The following KLHL3 variants were observed in gnomAD, a reference collection of about 807,000 sequenced individuals.
KLHL3 encodes the protein kelch like family member 3, also known as kelch-like protein 3.
In KLHL3, 19 loss-of-function variants were observed where a neutral mutation model predicts 70.5. The observed-to-expected ratio is 0.27, with a 90% CI of 0.19 to 0.40. The LOEUF (loss-of-function observed/expected upper bound fraction) is 0.40. Ranked by LOEUF, KLHL3 falls within the 10% of genes least tolerant of loss-of-function variation. The pLI is 1.00. For synonymous variants in KLHL3, 258 were observed against 290.3 expected (o/e 0.89, Z 1.13); for missense variants, 512 against 771.1 (o/e 0.66, Z 3.98).
At chr5:137,698,234 A>G in intron 4 of KLHL3, 53 bp downstream of exon 4, 1 of 1,596,756 alleles carries the variant, frequency 6.3e-7, no homozygotes, top group Non-Finnish European at 8.6e-7. Flanking sequence ...ACGCTGTAAA[A>G]TGGTGGGTCC....
At chr5:137,726,437 T>C (rs1223498970) in intron 1 of KLHL3, among the ~76,000 whole-genome samples, 1 of 152,168 alleles carries the variant, frequency 6.6e-6, no homozygotes, top group Non-Finnish European at 1.5e-5. Flanking sequence ...CACCTATATT[T>C]CCCTTCTCTT....
chr5:137,648,460 A>C (rs1399588491), intron 8 of KLHL3, among the ~76,000 whole-genome samples: 2 of 152,214 alleles, frequency 1.3e-5, no homozygotes, highest in Non-Finnish European at 2.9e-5. Flanking sequence ...CAAAAGGTTC[A>C]TTTGCATCTT....
intron 12 of KLHL3, 61 bp from the exon 13 acceptor site, chr5:137,628,498 G>T (rs1041981908): frequency 1.1e-5 from 17 of 1,596,068 alleles, no homozygotes; most frequent in Non-Finnish European, 1.3e-5. Context: ...AAATCAGGAG[G>T]CCTGGCATCC....
chr5:137,725,169 C>G (rs1753066611), intron 1 of KLHL3: 1 of 418,074 alleles, frequency 2.4e-6, no homozygotes, highest in Non-Finnish European at 3.2e-6. Flanking sequence ...CTAGTGGATC[C>G]CCTCTCCTCG....
intron 8 of KLHL3, among the ~76,000 whole-genome samples, chr5:137,644,808 T>A (rs1751003158): frequency 6.6e-6 from 1 of 152,262 alleles, no homozygotes; most frequent in Admixed American, 6.5e-5. Flanking sequence ...CTTCCAGATT[T>A]ATTCTTTGAA....
At position 137,622,050 on chromosome 5, in the gene KLHL3, C is replaced by T. The variant is rs201921226; in HGVS notation, c.*48G>A. The T allele has an allele frequency of 4.1e-5, 66 of 1,607,196 alleles. No homozygotes were observed. In the Admixed American group the frequency reaches 1.1e-3, roughly 26 times the overall value. Reference sequence around the variant, plus strand: ...ACCAAGGTCCTGCTGTTCAGAGTCACAGGCAGCACCTGCTCCTTCCTCCAC... The same window carrying T: ...ACCAAGGTCCTGCTGTTCAGAGTCATAGGCAGCACCTGCTCCTTCCTCCAC... On this transcript the variant is annotated 3_prime_UTR_variant, in exon 15 of 15. Coordinates refer to ENST00000309755, the MANE Select transcript of KLHL3 (RefSeq NM_017415.3).
At chr5:137,727,518 G>A (rs1561621984) in intron 1 of KLHL3, among the ~76,000 whole-genome samples, 1 of 152,104 alleles carries the variant, frequency 6.6e-6, no homozygotes, top group African/African-American at 2.4e-5. Context: ...TCGTTGCCCT[G>A]AAGACTTCTT....
intron 8 of KLHL3, among the ~76,000 whole-genome samples, chr5:137,643,366 A>G (rs1480532332): frequency 6.6e-6 from 1 of 152,134 alleles, no homozygotes; most frequent in Non-Finnish European, 1.5e-5. Context: ...AAAAAAAAAA[A>G]AAAAATAGAA....
chr5:137,686,552 GC>G (rs1387865623), intron 5 of KLHL3, among the ~76,000 whole-genome samples: 1 of 152,230 alleles, frequency 6.6e-6, no homozygotes, highest in Non-Finnish European at 1.5e-5. Context: ...CTAACTCAAG[GC>G]CTGGGTCCAG....
intron 6 of KLHL3, among the ~76,000 whole-genome samples, chr5:137,672,414 G>C (rs1264461584): frequency 6.6e-6 from 1 of 152,094 alleles, no homozygotes; most frequent in Non-Finnish European, 1.5e-5. Context: ...ATCAAAATTT[G>C]GTCTCTAAAA....
At chr5:137,642,081 C>T (rs190440433) in intron 8 of KLHL3, among the ~76,000 whole-genome samples, 143 of 152,342 alleles carry the variant, frequency 9.4e-4, no homozygotes, top group Admixed American at 2.3e-3. Flanking sequence ...TAATGCCTAA[C>T]CTACTCTTCA....
intron 5 of KLHL3, among the ~76,000 whole-genome samples, chr5:137,683,802 G>C (rs901756451): frequency 6.7e-6 from 1 of 150,268 alleles, no homozygotes; most frequent in Non-Finnish European, 1.5e-5. Context: ...ACACATGCAC[G>C]CGCACACACA....
rs553977822 is a variant in KLHL3 at position 137,714,128 on chromosome 5, A to G, written c.135-4272T>C. 4.0e-5 allele frequency among the ~76,000 whole-genome samples: 6 copies of G among 151,798 alleles called. No individual in the cohort carries two copies. The South Asian group carries it at 1.0e-3, about 26-fold the overall frequency. On this transcript the variant is annotated intron_variant, in intron 2 of 14. Coordinates refer to ENST00000309755, the MANE Select transcript of KLHL3 (RefSeq NM_017415.3). ...AACAATCAGAGAAATGCAAATCAAA[A>G]CCACAACAAGATACCACCTTACACT... is the stretch of plus-strand genomic sequence containing the variant.
intron 8 of KLHL3, among the ~76,000 whole-genome samples, chr5:137,653,259 A>G (rs1307382461): frequency 6.6e-6 from 1 of 152,088 alleles, no homozygotes; most frequent in African/African-American, 2.4e-5. Flanking sequence ...CAAAAAAAAA[A>G]TAATAATTAA....
At chr5:137,646,062 A>G (rs1361279793) in intron 8 of KLHL3, among the ~76,000 whole-genome samples, 10 of 152,208 alleles carry the variant, frequency 6.6e-5, no homozygotes, top group Admixed American at 5.2e-4. Context: ...CCCAGAATAT[A>G]TAAGGAACTC....
chr5:137,669,630 A>G lies in KLHL3; in HGVS notation c.637-7599T>C, dbSNP rs552078407. Among the ~76,000 whole-genome samples the G allele has an allele frequency of 2.7e-3, 387 of 144,822 alleles. 1 individual carries two copies. Among genetic ancestry groups the G allele is most frequent in the Middle Eastern group, 7.1e-3 (2 of 282 alleles). ...GCACAATGGTTTGATAGAAACGTCT[A>G]CAAGCTGAGAGACGTCAGTGGTACT... On this transcript the variant is annotated intron_variant, in intron 6 of 14. Transcript: ENST00000309755.
At chr5:137,650,821 TAAAAA>T (rs202115631) in intron 8 of KLHL3, among the ~76,000 whole-genome samples, 2 of 118,346 alleles carry the variant, frequency 1.7e-5, no homozygotes, top group Admixed American at 1.7e-4. Context: ...AAACTCCATC[TAAAAA>T]AAAAAAAAAA....
chr5:137,692,244 C>T, intron 5 of KLHL3, 41 bp downstream of exon 5: 1 of 1,578,552 alleles, frequency 6.3e-7, no homozygotes, highest in East Asian at 2.3e-5. Context: ...TGATTAGATC[C>T]ACAAACTCGG....
At chr5:137,711,685 T>C (rs745765848) in intron 2 of KLHL3, among the ~76,000 whole-genome samples, 13 of 152,162 alleles carry the variant, frequency 8.5e-5, no homozygotes, top group Non-Finnish European at 1.8e-4. Flanking sequence ...TATGAGACCA[T>C]GGGCAAATAA....
Sources: gnomAD v4.1 joint callset for allele counts (sites outside exome capture counted in the v4.1 genomes callset) on GRCh38, gnomAD v4.1.1 for gene constraint, MANE v1.5 for transcripts, NCBI Gene and HGNC (gene_info 2026-07-23, HGNC 2026-07-21) for gene names.